The following LRRC43 variants were observed in gnomAD, a reference collection of about 807,000 sequenced individuals.
LRRC43 encodes leucine rich repeat containing 43.
In LRRC43, 62 loss-of-function variants were observed where a neutral mutation model predicts 64.3. The ratio of observed to expected loss-of-function variants is 0.96; its 90% CI spans 0.79 to 1.19. The LOEUF (loss-of-function observed/expected upper bound fraction) is 1.19, where lower values mean the gene tolerates loss of function less well. Ranked by LOEUF, LRRC43 falls within the 50% of genes most tolerant of loss-of-function variation. LRRC43 has a pLI of 0.00. For missense variants in LRRC43, 868 were observed against 845.0 expected, an observed-to-expected ratio of 1.03 and a Z score of -0.34; for synonymous variants, 422 against 382.3, an observed-to-expected ratio of 1.10 and a Z score of -1.21.
chr12:122,200,000 C>G (rs1953816433), intron 7 of LRRC43, among the ~76,000 whole-genome samples, 189 bp from the exon 8 acceptor site: 1 of 152,224 alleles, frequency 6.6e-6, no homozygotes, highest in African/African-American at 2.4e-5. Flanking sequence ...GCTGTCTCCT[C>G]TGTATCCACA....
chr12:122,172,356 C>T (rs1953493219), intron 1 of LRRC43: 6 of 1,254,366 alleles, frequency 4.8e-6, no homozygotes, highest in East Asian at 2.3e-5. Context: ...ACTTAGCTGT[C>T]GGTCATCTTT....
At chr12:122,202,293 A>G (rs1953850761) in intron 11 of LRRC43, 2 of 152,018 alleles carry the variant, frequency 1.3e-5, no homozygotes, top group African/African-American at 4.8e-5. Context: ...TGCTTGCAAT[A>G]TGTTGCTGTA....
chr12:122,174,491 C>G (rs1247706882), intron 1 of LRRC43, among the ~76,000 whole-genome samples: 1 of 152,172 alleles, frequency 6.6e-6, no homozygotes. Flanking sequence ...GTTGATTTGA[C>G]TAGACAAAAT....
intron 7 of LRRC43, among the ~76,000 whole-genome samples, chr12:122,199,586 CT>C (rs1026502402): frequency 4.1e-5 from 6 of 147,912 alleles, no homozygotes; most frequent in South Asian, 2.1e-4. Context: ...CCGGCCTCTG[CT>C]TTTTTTTTTC....
chr12:122,174,125 C>T lies in LRRC43; in HGVS notation c.-406+6343C>T, dbSNP rs570693365. On this transcript the variant is annotated intron_variant, in intron 1 of 5. Coordinates refer to the LRRC43 transcript ENST00000537729. ...CTTCCTGGTGAGATAAGATGATGCC[C>T]AAGACTCCGGAAGCACCAGGACCAG... The T allele has an allele frequency of 1.4e-4, 225 of 1,613,986 alleles. 2 individuals are homozygous for T. The South Asian group carries it at 2.4e-3, about 17-fold the overall frequency.
intron 10 of LRRC43, 66 bp from the exon 11 acceptor site, chr12:122,201,230 G>C (rs1282707174): frequency 2.6e-6 from 4 of 1,565,232 alleles, no homozygotes; most frequent in Non-Finnish European, 3.5e-6. Context: ...TGGGGCCCCA[G>C]AGACACCCCT....
At position 122,184,530 on chromosome 12, in the gene LRRC43, C is replaced by A; in HGVS notation, c.162C>A (p.Arg54=). ...CTCTGCCACTGCAGAATAAGTCGCGCTTTCTTCCTCAAACTTGGCGAACTT... is the reference window on the plus strand; with the variant it reads ...CTCTGCCACTGCAGAATAAGTCGCGATTTCTTCCTCAAACTTGGCGAACTT... ...PCGAGSWNKS[R]FLPQTWRTWR... The change falls in exon 2 of 12, where the codon CGC becomes CGA. Residue 54 remains arginine (R), a synonymous_variant. Coordinates refer to ENST00000339777, the MANE Select transcript of LRRC43 (RefSeq NM_001098519.2). This position sits in a 1 kb window ranked among gnomAD's most constrained non-coding sequence, Gnocchi z 4.0. 3 of 1,613,432 alleles carry A rather than the reference C, an allele frequency of 1.9e-6. No individual in the cohort carries two copies. The highest frequency in any genetic ancestry group is 2.5e-6 in the Non-Finnish European group (3 of 1,179,664).
chr12:122,184,440 A>G lies in LRRC43; in HGVS notation c.151-79A>G. ...CTATCCCTAATCGTCCAGTTTTATG[A>G]TCTGTTCTGTTTTGAGAGTTTGGTG... is the stretch of plus-strand genomic sequence containing the variant. On this transcript the variant is annotated intron_variant, in intron 1 of 11. Coordinates refer to ENST00000339777, the MANE Select transcript of LRRC43 (RefSeq NM_001098519.2). The surrounding 1 kb of genome is among the most constrained non-coding windows in gnomAD (Gnocchi z 4.0). The G allele has an allele frequency of 6.6e-7, 1 of 1,514,484 alleles. No homozygotes were observed. Among genetic ancestry groups the G allele is most frequent in the Non-Finnish European group, 8.9e-7 (1 of 1,119,210 alleles). The allele number at this position is 1,514,484 out of a possible 1,614,324, so 93.8% of individuals were successfully genotyped here.
At chr12:122,188,187 A>G (rs1016058094) in intron 4 of LRRC43, among the ~76,000 whole-genome samples, 2 of 152,022 alleles carry the variant, frequency 1.3e-5, no homozygotes, top group African/African-American at 4.8e-5. Flanking sequence ...GCTCATTGCA[A>G]GCTCCGCCTG....
rs1426109817 is a variant in LRRC43 at position 122,200,751 on chromosome 12, G to A, written c.1626G>A (p.Trp542Ter). Residue 542 changes from tryptophan (W) to a stop codon, truncating the protein, a stop_gained, in exon 10 of 12, where the codon TGG becomes TGA. Coordinates refer to ENST00000339777, the MANE Select transcript of LRRC43 (RefSeq NM_001098519.2). LOFTEE classifies it high-confidence loss of function. This position sits in a 1 kb window ranked among gnomAD's most constrained non-coding sequence, Gnocchi z 4.6. ...GKGEKEPAKEWKVLKKKKEPP... is the reference protein window; with the variant it reads ...GKGEKEPAKE ...CTGTCCTCCCGTCGTCGCAGGAGTGGAAGGTGCTGAAGAAGAAGAAAGAGC... is the reference window on the plus strand; with the variant it reads ...CTGTCCTCCCGTCGTCGCAGGAGTGAAAGGTGCTGAAGAAGAAGAAAGAGC... 6.2e-7 allele frequency: 1 copy of A among 1,613,016 alleles called. No individual in the cohort carries two copies. The highest frequency in any genetic ancestry group is 8.5e-7 in the Non-Finnish European group (1 of 1,180,002).
chr12:122,200,385 T>G lies in LRRC43; in HGVS notation c.1491+55T>G. 6.2e-7 allele frequency: 1 copy of G among 1,608,678 alleles called. No individual in the cohort carries two copies. Among genetic ancestry groups the G allele is most frequent in the Non-Finnish European group, 8.5e-7 (1 of 1,178,558 alleles). ...CCACAGGCTGCACTTCTGTCCTTGT[T>G]CCTGTTCCCATCGGGCTGTCCCCCA... On this transcript the variant is annotated intron_variant, in intron 8 of 11. Coordinates refer to ENST00000339777, the MANE Select transcript of LRRC43 (RefSeq NM_001098519.2). The surrounding 1 kb of genome is among the most constrained non-coding windows in gnomAD (Gnocchi z 4.6).
At chr12:122,195,100 T>C (rs936649875) in intron 7 of LRRC43, among the ~76,000 whole-genome samples, 1 of 152,226 alleles carries the variant, frequency 6.6e-6, no homozygotes, top group Admixed American at 6.5e-5. Context: ...TTTTCATGTT[T>C]CGTGTAAGGC....
chr12:122,192,796 G>A lies in LRRC43; in HGVS notation c.1141G>A (p.Glu381Lys). ...LELLVEESPE[E>K]VVEDVIEDIV... ...ATTATTAGTTGAGGAATCTCCTGAA[G>A]AGGTCGTGGAAGACGTCATCGAAGA... Residue 381 changes from glutamate (E) to lysine (K), a missense_variant, in exon 7 of 12, where the codon GAG (glutamate) becomes AAG (lysine). Physicochemically the swap from Glu to Lys is moderately conservative, Grantham distance 56. Transcript: ENST00000339777. 6.2e-7 allele frequency: 1 copy of A among 1,614,212 alleles called. No homozygotes were observed. Among genetic ancestry groups the A allele is most frequent in the Non-Finnish European group, 8.5e-7 (1 of 1,180,038 alleles).
intron 7 of LRRC43, among the ~76,000 whole-genome samples, chr12:122,195,944 A>T (rs1360322924): frequency 1.3e-5 from 2 of 152,096 alleles, no homozygotes; most frequent in Non-Finnish European, 2.9e-5. Flanking sequence ...ACCTCCTTGG[A>T]GGGCTTTGAA....
intron 1 of LRRC43, among the ~76,000 whole-genome samples, chr12:122,170,003 C>T (rs940509073): frequency 1.3e-5 from 2 of 151,868 alleles, no homozygotes; most frequent in Non-Finnish European, 2.9e-5. Flanking sequence ...GATGGGATTT[C>T]GCCATGTTGC....
intron 1 of LRRC43, chr12:122,173,784 GA>G: frequency 6.8e-7 from 1 of 1,476,832 alleles, no homozygotes; most frequent in Non-Finnish European, 9.4e-7. Flanking sequence ...AGCCTCTTTG[GA>G]GGGCAATGGA....
chr12:122,177,476 A>T (rs1953545985), intron 1 of LRRC43, among the ~76,000 whole-genome samples: 2 of 143,478 alleles, frequency 1.4e-5, no homozygotes, highest in African/African-American at 5.2e-5. Context: ...TGAGAGAGAA[A>T]GTGTGTGTGT....
At chr12:122,179,285 T>C (rs890562025), upstream of LRRC43, among the ~76,000 whole-genome samples, 3 of 152,080 alleles carry the variant, frequency 2.0e-5, no homozygotes, top group African/African-American at 7.2e-5. Context: ...TTTTAACTTT[T>C]TGTAGAAATA....
chr12:122,172,409 G>C (rs1182530010), intron 1 of LRRC43: 2 of 1,605,542 alleles, frequency 1.2e-6, no homozygotes, highest in Admixed American at 3.4e-5. Context: ...GGAAGAGATG[G>C]CCTTAAGTGG....
Sources: gnomAD v4.1 joint callset for allele counts (sites outside exome capture counted in the v4.1 genomes callset) on GRCh38, gnomAD v4.1.1 for gene constraint, Gnocchi (gnomAD v3.1) non-coding constraint, MANE v1.5 for transcripts, NCBI Gene and HGNC (gene_info 2026-07-23, HGNC 2026-07-21) for gene names.